The following FLT4 variants were observed in gnomAD, a reference collection of about 807,000 sequenced individuals.
FLT4 encodes the protein vascular endothelial growth factor receptor 3.
FLT4 carries 30 observed loss-of-function variants against 163.2 expected under a neutral mutation model. The ratio of observed to expected loss-of-function variants is 0.18; its 90% confidence interval spans 0.14 to 0.25. FLT4 has a LOEUF of 0.25. Among genes scored for constraint, FLT4 ranks in the 10% least tolerant of loss-of-function variants. FLT4 has a pLI of 1.00. For synonymous variants in FLT4, 884 were observed against 789.5 expected, an observed-to-expected ratio of 1.12 and a Z score of -2.01; for missense variants, 1,510 against 1,863.8, an observed-to-expected ratio of 0.81 and a Z score of 3.50.
At position 180,603,183 on chromosome 5, in the gene FLT4, C is replaced by T. The variant is rs199750262; in HGVS notation, c.*9G>A. On this transcript the variant is annotated 3_prime_UTR_variant, in exon 30 of 30. Coordinates refer to ENST00000261937, the MANE Select transcript of FLT4 (RefSeq NM_182925.5). ...ACCCCCAAGTGCTGGGGGTCTTGTC[C>T]GATGCTGCTTAGTAGCTGTTGTCTG... 5.9e-5 allele frequency: 95 copies of T among 1,613,580 alleles called. No individual in the cohort carries two copies. Among genetic ancestry groups the T allele is most frequent in the African/African-American group, 4.5e-4 (34 of 75,068 alleles).
At position 180,625,849 on chromosome 5, in the gene FLT4, G is replaced by C; in HGVS notation, c.1421+20C>G. The C allele has an allele frequency of 6.6e-7, 1 of 1,524,596 alleles. No individual in the cohort carries two copies. 94.4% of individuals were successfully genotyped at this position (1,524,596 alleles called of 1,614,324 possible). On this transcript the variant is annotated intron_variant, in intron 10 of 29. Coordinates refer to ENST00000261937, the MANE Select transcript of FLT4 (RefSeq NM_182925.5). Reference sequence around the variant, plus strand: ...GGGGCTGTGGCTGTGCAGGGGACCTGAGGCTGGAGCTGTACTCACAGACTA... The same window carrying C: ...GGGGCTGTGGCTGTGCAGGGGACCTCAGGCTGGAGCTGTACTCACAGACTA...
chr5:180,642,345 C>T (rs143615842), intron 1 of FLT4, among the ~76,000 whole-genome samples: 8 of 152,192 alleles, frequency 5.3e-5, no homozygotes, highest in African/African-American at 1.4e-4. Context: ...ATGGGGGCCT[C>T]GCTGGTGGGA....
intron 26 of FLT4, 137 bp downstream of exon 26, chr5:180,612,369 G>T (rs1762279567): frequency 2.8e-6 from 2 of 722,390 alleles, no homozygotes; most frequent in African/African-American, 3.5e-5. Flanking sequence ...GTGTGGATAG[G>T]GGCCCAGGAC....
chr5:180,618,501 T>C (rs1439781997), intron 21 of FLT4, among the ~76,000 whole-genome samples: 1 of 152,224 alleles, frequency 6.6e-6, no homozygotes, highest in African/African-American at 2.4e-5. Context: ...GTAAATACTG[T>C]TGCTCTGTGG....
rs2127839050 is a variant in FLT4, at chr5:180,630,695, G to A, written c.260C>T (p.Thr87Ile). ...CACCTTGCAGTAGGGCCTGGCGTCT[G>A]TGCCCTCGCAGTCTCGCACCACCCC... ...DTGVVRDCEG[T>I]DARPYCKVLL... The change falls in exon 3 of 30, where the codon ACA becomes ATA. Residue 87 changes from threonine (T) to isoleucine (I), a missense_variant. Coordinates refer to ENST00000261937, the MANE Select transcript of FLT4 (RefSeq NM_182925.5). The surrounding 1 kb of genome is among the most constrained non-coding windows in gnomAD (Gnocchi z 6.3). 6.2e-7 allele frequency: 1 copy of A among 1,612,900 alleles called. No homozygotes were observed. The highest frequency in any genetic ancestry group is 8.5e-7 in the Non-Finnish European group (1 of 1,179,970).
intron 1 of FLT4, among the ~76,000 whole-genome samples, chr5:180,647,567 G>T (rs1249226944): frequency 2.0e-5 from 3 of 151,466 alleles, no homozygotes; most frequent in Non-Finnish European, 4.4e-5. Flanking sequence ...CCTGACACCC[G>T]ACTGCAGCTC....
chr5:180,605,460 G>A (rs575987904), intron 29 of FLT4, among the ~76,000 whole-genome samples: 1 of 152,090 alleles, frequency 6.6e-6, no homozygotes, highest in Non-Finnish European at 1.5e-5. Context: ...TTGTCTACCG[G>A]GAAGTTTTAA....
At chr5:180,614,010 T>C (rs1462829473) in intron 24 of FLT4, 58 bp downstream of exon 24, 3 of 1,228,602 alleles carry the variant, frequency 2.4e-6, no homozygotes, top group South Asian at 1.2e-5. Context: ...GGCGGTCATG[T>C]AACCTGCCGC....
Position 180,612,992 on chromosome 5 carries a change from G to C in FLT4, c.3431+19C>G, listed in dbSNP as rs764780534. 6.3e-7 allele frequency: 1 copy of C among 1,587,750 alleles called. No individual in the cohort carries two copies. The highest frequency in any genetic ancestry group is 1.1e-5 in the South Asian group (1 of 90,100). On this transcript the variant is annotated intron_variant, in intron 25 of 29. Coordinates refer to ENST00000261937, the MANE Select transcript of FLT4 (RefSeq NM_182925.5). ...ACGCTTGCTGTCCCCAAAACCTGCA[G>C]GGCCATGGGGAGGCTCACATGGCGG...
intron 1 of FLT4, among the ~76,000 whole-genome samples, chr5:180,641,935 A>T (rs307807): frequency 6.6e-6 from 1 of 152,052 alleles, no homozygotes; most frequent in East Asian, 1.9e-4. Context: ...TCGGCTGGGC[A>T]CAGTGGCTCA....
rs377342113 is a variant in FLT4, at chr5:180,603,142, G to A, written c.*50C>T. The A allele has an allele frequency of 7.0e-5, 111 of 1,588,398 alleles. 1 individual carries two copies. In the South Asian group the frequency reaches 9.6e-4, roughly 14 times the overall value. ...AGCCTGGGCCTCCAGCCCTCTGCCCGCCCTGCCGGGCCTGAACCCCCAAGT... is the reference window on the plus strand; with the variant it reads ...AGCCTGGGCCTCCAGCCCTCTGCCCACCCTGCCGGGCCTGAACCCCCAAGT... On this transcript the variant is annotated 3_prime_UTR_variant, in exon 30 of 30. Transcript: ENST00000261937.
intron 1 of FLT4, among the ~76,000 whole-genome samples, chr5:180,642,876 A>C (rs1765230514): frequency 6.6e-6 from 1 of 152,228 alleles, no homozygotes; most frequent in Admixed American, 6.5e-5. Context: ...CTGCTGCAAC[A>C]GCAGCAAGCG....
At chr5:180,614,363 G>A (rs180831086) in intron 23 of FLT4, among the ~76,000 whole-genome samples, 184 bp from the exon 24 acceptor site, 106 of 152,176 alleles carry the variant, frequency 7.0e-4, no homozygotes, top group Middle Eastern at 6.8e-3. Context: ...CCCTAACAGG[G>A]TCCTCTGCCT....
intron 10 of FLT4, 44 bp from the exon 11 acceptor site, chr5:180,624,105 A>C (rs1561725395): frequency 5.0e-6 from 8 of 1,605,510 alleles, no homozygotes; most frequent in Non-Finnish European, 5.9e-6. Flanking sequence ...GGATACAGGC[A>C]GGAAGGGCCC....
At chr5:180,639,401 G>A (rs936472581) in intron 1 of FLT4, among the ~76,000 whole-genome samples, 5 of 149,754 alleles carry the variant, frequency 3.3e-5, no homozygotes, top group African/African-American at 1.2e-4. Context: ...ATGGATGGAC[G>A]GATGGATGAG....
intron 8 of FLT4, 31 bp from the exon 9 acceptor site, chr5:180,626,296 C>T: frequency 6.2e-7 from 1 of 1,607,940 alleles, no homozygotes; most frequent in Non-Finnish European, 8.5e-7. Context: ...AGGGCCCATA[C>T]AGATCCCACC....
Position 180,621,689 on chromosome 5 carries a change from C to T in FLT4, c.1873G>A (p.Glu625Lys), listed in dbSNP as rs778080400. ...LFATPLAASL[E>K]EVAPGARHAT... is the part of the protein sequence containing the mutation. ...TGGCGCGCCCCAGGTGCCACCTCCTCCAGGCTGGCGGCCAGAGGGGTGGCG... is the reference window on the plus strand; with the variant it reads ...TGGCGCGCCCCAGGTGCCACCTCCTTCAGGCTGGCGGCCAGAGGGGTGGCG... Residue 625 changes from glutamate (E) to lysine (K), a missense_variant, in exon 13 of 30, where the codon GAG becomes AAG. Glu to Lys is a moderately conservative substitution (Grantham distance 56). Around this residue, in one of 5 missense-constraint regions of FLT4, gnomAD observed 878 missense variants for 1,016.7 expected, o/e 0.86. Transcript: ENST00000261937. 1 of 1,612,458 alleles carries T rather than the reference C, an allele frequency of 6.2e-7. No individual in the cohort carries two copies. The highest frequency in any genetic ancestry group is 1.7e-5 in the Admixed American group (1 of 59,992).
In FLT4 at chr5:180,621,574, T is replaced by C. The variant is rs759773278; in HGVS notation, c.1988A>G (p.Lys663Arg). 2.5e-6 allele frequency: 4 copies of C among 1,612,036 alleles called. No individual in the cohort carries two copies. In the East Asian group the frequency reaches 6.7e-5, roughly 27 times the overall value. ...CGACAGGTACTTCTTGTGGCAGTGC[T>C]TGTCATGGCTGCGCCGGTCTTGCAC... ...CEVQDRRSHD[K>R]HCHKKYLSVQ... The change falls in exon 13 of 30, where the codon AAG becomes AGG. Residue 663 changes from lysine to arginine, a missense_variant. By Grantham distance (26) the Lys-to-Arg change is conservative. Around this residue, in one of 5 missense-constraint regions of FLT4, gnomAD observed 878 missense variants for 1,016.7 expected, o/e 0.86. Transcript: ENST00000261937.
intron 1 of FLT4, among the ~76,000 whole-genome samples, chr5:180,649,175 C>T (rs1765627784): frequency 6.6e-6 from 1 of 151,858 alleles, no homozygotes; most frequent in Non-Finnish European, 1.5e-5. Context: ...CAGCGCGCAG[C>T]CCGGCAGGGC....
Sources: gnomAD v4.1 joint callset for allele counts (sites outside exome capture counted in the v4.1 genomes callset) on GRCh38, gnomAD v4.1.1 for gene constraint, gnomAD v4.1.1 regional missense constraint, Gnocchi (gnomAD v3.1) non-coding constraint, MANE v1.5 for transcripts, NCBI Gene and HGNC (gene_info 2026-07-23, HGNC 2026-07-21) for gene names.